BTBD2: variants seen among roughly 807,000 people sequenced by gnomAD.
BTBD2 encodes BTB/POZ domain-containing protein 2.
In BTBD2, 15 loss-of-function variants were observed where a neutral mutation model predicts 44.0. That is an observed-to-expected ratio of 0.34 (90% CI 0.23 to 0.53). The LOEUF (loss-of-function observed/expected upper bound fraction) is 0.53. BTBD2 is among the 20% of genes least tolerant of loss of function. The pLI is 0.95. For synonymous variants in BTBD2, 443 were observed against 335.9 expected, an observed-to-expected ratio of 1.32 and a Z score of -3.49; for missense variants, 657 against 746.4, an observed-to-expected ratio of 0.88 and a Z score of 1.39.
chr19:1,986,823 G>A lies in BTBD2; in HGVS notation c.1416+7C>T, dbSNP rs113983917. The A allele has an allele frequency of 2.7e-5, 44 of 1,600,336 alleles. No homozygotes were observed. The highest frequency in any genetic ancestry group is 1.8e-4 in the Admixed American group (11 of 59,484). On this transcript the variant is annotated splice_region_variant and intron_variant, in intron 8 of 8. Coordinates refer to ENST00000255608, the MANE Select transcript of BTBD2 (RefSeq NM_017797.4). The stretch of plus-strand genomic sequence containing the variant: ...CCACGGAGGGACCCCTGTCCCCGGC[G>A]GCGCACCTTGAGCGTGGCACAGGCC...
intron 1 of BTBD2, among the ~76,000 whole-genome samples, chr19:1,998,588 G>C (rs58357087): frequency 1.0e-3 from 157 of 152,330 alleles, no homozygotes; most frequent in African/African-American, 3.7e-3. Context: ...GCGGTGAGCA[G>C]AGAAAGGCTG....
At chr19:1,986,694 G>T in intron 8 of BTBD2, 45 bp from the exon 9 acceptor site, 2 of 1,603,548 alleles carry the variant, frequency 1.2e-6, no homozygotes, top group Non-Finnish European at 1.7e-6. Context: ...CACCAGGCTG[G>T]GATGCCCCAG....
At chr19:2,005,035 T>C (rs971004347) in intron 1 of BTBD2, among the ~76,000 whole-genome samples, 1 of 151,824 alleles carries the variant, frequency 6.6e-6, no homozygotes, top group African/African-American at 2.4e-5. Flanking sequence ...TTAGTCAGGA[T>C]GGTCTCAATC....
intron 1 of BTBD2, 42 bp from the exon 2 acceptor site, chr19:1,997,505 C>T (rs778806092): frequency 6.2e-7 from 1 of 1,610,570 alleles, no homozygotes; most frequent in Non-Finnish European, 8.5e-7. Context: ...CCCGTGGCCG[C>T]CACCCCACGG....
intron 1 of BTBD2, among the ~76,000 whole-genome samples, chr19:1,999,960 C>T (rs917618929): frequency 7.5e-6 from 1 of 133,092 alleles, no homozygotes; most frequent in African/African-American, 3.1e-5. Context: ...AGACTAAAGA[C>T]TCCACCTCAA....
intron 1 of BTBD2, among the ~76,000 whole-genome samples, chr19:1,998,627 A>C (rs1178457501): frequency 6.6e-6 from 1 of 151,896 alleles, no homozygotes. Context: ...CCGGCTATGA[A>C]CCCGCGTTTG....
chr19:2,011,786 A>G (rs1255925965), intron 1 of BTBD2, among the ~76,000 whole-genome samples: 2 of 151,812 alleles, frequency 1.3e-5, no homozygotes, highest in Non-Finnish European at 2.9e-5. Flanking sequence ...CAATATGAAC[A>G]CAAGGACACA....
In BTBD2 at chr19:1,990,155, C is replaced by T. The variant is rs2016153598; in HGVS notation, c.837G>A (p.Glu279=). ...GGACAACGGCATTGAACAGCCGCAC[C>T]TCACGGATGCCCAGTGTGTCGCGCT... ...VLERDTLGIR[E]VRLFNAVVRW... The change falls in exon 5 of 9, where the codon GAG becomes GAA. Residue 279 remains glutamate (E), a synonymous_variant. Transcript: ENST00000255608. The T allele has an allele frequency of 6.2e-7, 1 of 1,610,716 alleles. No homozygotes were observed. The highest frequency in any genetic ancestry group is 1.7e-5 in the Admixed American group (1 of 59,720).
In BTBD2 at chr19:1,987,263, C is replaced by A. The variant is rs1045101785; in HGVS notation, c.1182-10G>T. 1 of 1,613,586 alleles carries A rather than the reference C, an allele frequency of 6.2e-7. No individual in the cohort carries two copies. On this transcript the variant is annotated splice_polypyrimidine_tract_variant and intron_variant, in intron 6 of 8. Coordinates refer to ENST00000255608, the MANE Select transcript of BTBD2 (RefSeq NM_017797.4). ...CTTGTTGACTGAGAACCTGCCGTGG[C>A]AGATGACAGGCAGCAGCGTGGATAC...
At chr19:1,993,232 G>A (rs1301345556) in intron 2 of BTBD2, 56 bp from the exon 3 acceptor site, 5 of 1,552,096 alleles carry the variant, frequency 3.2e-6, no homozygotes, top group Admixed American at 3.6e-5. Context: ...GCCCCCAGGG[G>A]AGAGCGTCAG....
Position 2,015,403 on chromosome 19 carries a change from G to A in BTBD2, c.301C>T (p.Pro101Ser), listed in dbSNP as rs145823008. Residue 101 changes from proline (P) to serine (S), a missense_variant, in exon 1 of 9, where the codon CCC becomes TCC. Physicochemically the swap from Pro to Ser is moderately conservative, Grantham distance 74 (BLOSUM62 -1). Transcript: ENST00000255608. ...AAGGCGAAGCGCTCCTGCACGGTGG[G>A]CTTGCTGGCCTGCCAGTTGTACGCG... ...EAAYNWQASK[P>S]TVQERFAFLF... is the part of the protein sequence containing the mutation. The A allele has an allele frequency of 2.4e-4, 375 of 1,555,158 alleles. No homozygotes were observed. Among genetic ancestry groups the A allele is most frequent in the Non-Finnish European group, 3.0e-4 (352 of 1,159,330 alleles).
chr19:2,008,245 C>T (rs1373058027), intron 1 of BTBD2, among the ~76,000 whole-genome samples: 1 of 151,788 alleles, frequency 6.6e-6, no homozygotes, highest in Non-Finnish European at 1.5e-5. Context: ...CTCAGGTGAT[C>T]CGCCTGCCTC....
In BTBD2 at chr19:1,987,186, C is replaced by T. The variant is rs570197197; in HGVS notation, c.1249G>A (p.Asp417Asn). ...GLYGSIHGPT[D>N]YQVNIQIIHT... is the part of the protein sequence containing the mutation. ...GGTACCTGGATGTTCACTTGGTAGT[C>T]GGTGGGCCCGTGGATGGATCCATAC... The change falls in exon 7 of 9, where the codon GAC becomes AAC. Residue 417 changes from aspartate (D) to asparagine (N), a missense_variant. Around this residue, in one of 3 missense-constraint regions of BTBD2, gnomAD observed 449 missense variants for 510.9 expected, o/e 0.88. Transcript: ENST00000255608. 2.5e-6 allele frequency: 4 copies of T among 1,613,748 alleles called. No homozygotes were observed. The highest frequency in any genetic ancestry group is 2.2e-5 in the East Asian group (1 of 44,870).
intron 5 of BTBD2, among the ~76,000 whole-genome samples, chr19:1,989,140 T>A (rs1181256694): frequency 6.6e-6 from 1 of 152,112 alleles, no homozygotes; most frequent in African/African-American, 2.4e-5. Context: ...ATGTCCATAA[T>A]CCCAGCACTT....
chr19:2,008,560 G>C (rs1406957780), intron 1 of BTBD2, among the ~76,000 whole-genome samples: 2 of 151,470 alleles, frequency 1.3e-5, no homozygotes, highest in Non-Finnish European at 2.9e-5. Context: ...CAAAATGCTG[G>C]GATTACAGGC....
At chr19:2,002,045 T>C (rs1460161451) in intron 1 of BTBD2, among the ~76,000 whole-genome samples, 2 of 152,012 alleles carry the variant, frequency 1.3e-5, no homozygotes, top group Non-Finnish European at 2.9e-5. Flanking sequence ...CTGGAAGAGA[T>C]GTCCTTTATT....
At position 1,986,232 on chromosome 19, in the gene BTBD2, C is replaced by A; in HGVS notation, c.*256G>T. On this transcript the variant is annotated 3_prime_UTR_variant, in exon 9 of 9. Coordinates refer to ENST00000255608, the MANE Select transcript of BTBD2 (RefSeq NM_017797.4). The stretch of plus-strand genomic sequence containing the variant: ...TGGCCCAGGCCGGCACAGCCCTGTC[C>A]CTAGTCCTGAGGGATTGTCTCCACA... 2 of 536,752 alleles carry A rather than the reference C, an allele frequency of 3.7e-6. No individual in the cohort carries two copies. Among genetic ancestry groups the A allele is most frequent in the South Asian group, 4.4e-5 (2 of 45,408 alleles). 33.2% of individuals were successfully genotyped at this position (536,752 alleles called of 1,614,324 possible).
At chr19:2,000,836 C>G (rs981752368) in intron 1 of BTBD2, among the ~76,000 whole-genome samples, 1 of 152,206 alleles carries the variant, frequency 6.6e-6, no homozygotes, top group Non-Finnish European at 1.5e-5. Context: ...CACTGGAACA[C>G]GACCCAGCCA....
At position 1,986,929 on chromosome 19, in the gene BTBD2, G is replaced by T. The variant is rs766740895; in HGVS notation, c.1317C>A (p.Gly439=). The T allele has an allele frequency of 1.9e-6, 3 of 1,613,220 alleles. No individual in the cohort carries two copies. The highest frequency in any genetic ancestry group is 2.5e-6 in the Non-Finnish European group (3 of 1,179,864). The change falls in exon 8 of 9, where the codon GGC becomes GGA. Residue 439 remains glycine (G), a synonymous_variant. Transcript: ENST00000255608. ...TGCTGGCTGAGCCGTCGCAGCTGAA[G>T]CCCGTGTCGTTCTGGCCCAAGACGG... ...SNTVLGQNDT[G]FSCDGSASTF... is the part of the protein sequence containing the mutation.
Sources: gnomAD v4.1 joint callset for allele counts (sites outside exome capture counted in the v4.1 genomes callset) on GRCh38, gnomAD v4.1.1 for gene constraint, gnomAD v4.1.1 regional missense constraint, MANE v1.5 for transcripts, NCBI Gene and HGNC (gene_info 2026-07-23, HGNC 2026-07-21) for gene names.